PNPLA7: variants seen among roughly 807,000 people sequenced by gnomAD.
The protein encoded by PNPLA7 is patatin-like phospholipase domain-containing protein 7.
A neutral mutation model predicts 161.7 loss-of-function variants in PNPLA7; 153 were observed. The observed-to-expected ratio is 0.95, with a 90% CI of 0.83 to 1.08. The LOEUF (loss-of-function observed/expected upper bound fraction) is 1.08. Among genes scored for constraint, PNPLA7 ranks in the 50% least tolerant of loss-of-function variants. The probability of loss-of-function intolerance (pLI) is 0.00; values close to 1 mark genes in which losing one functional copy is unlikely to be tolerated. For synonymous variants in PNPLA7, 809 were observed against 782.1 expected, an observed-to-expected ratio of 1.03 and a Z score of -0.57; for missense variants, 1,739 against 1,856.6, an observed-to-expected ratio of 0.94 and a Z score of 1.16.
chr9:137,491,425 C>G, intron 20 of PNPLA7: 1 of 939,054 alleles, frequency 1.1e-6, no homozygotes, highest in Non-Finnish European at 1.3e-6. Flanking sequence ...ATGAGGAACA[C>G]ATGATCCAAC....
At chr9:137,478,188 G>A (rs761911259) in intron 24 of PNPLA7, 36 bp from the exon 25 acceptor site, 2 of 1,262,778 alleles carry the variant, frequency 1.6e-6, no homozygotes, top group Non-Finnish European at 2.0e-6. Flanking sequence ...CTGGTGCAGG[G>A]CCCCACCCTC....
chr9:137,542,321 G>C (rs1231107110), intron 7 of PNPLA7, among the ~76,000 whole-genome samples: 1 of 152,038 alleles, frequency 6.6e-6, no homozygotes, highest in African/African-American at 2.4e-5. Context: ...AATTTTATAA[G>C]TGAGCTGGGC....
At chr9:137,521,499 G>T in intron 10 of PNPLA7, 137 bp downstream of exon 10, 2 of 776,462 alleles carry the variant, frequency 2.6e-6, no homozygotes, top group South Asian at 1.6e-5. Context: ...AAGTCCTAAT[G>T]ACCAGCAACT....
chr9:137,462,874 G>T, intron 29 of PNPLA7, 41 bp from the exon 30 acceptor site: 1 of 1,607,686 alleles, frequency 6.2e-7, no homozygotes, highest in South Asian at 1.1e-5. Flanking sequence ...GGACAGGCAT[G>T]CAGAGCCAGG....
chr9:137,461,581 C>A lies in PNPLA7; in HGVS notation c.3796G>T (p.Glu1266Ter), dbSNP rs1457500663. Residue 1266 changes from glutamate to a stop codon, truncating the protein, a stop_gained, in exon 33 of 35, where the codon GAA becomes TAA. Coordinates refer to ENST00000406427, the MANE Select transcript of PNPLA7 (RefSeq NM_001098537.3). LOFTEE classifies it high-confidence loss of function. Reference sequence around the variant, plus strand: ...GCGGGCTCAATGCGAGACACAATTTCGGCAAGGTCCGTGAAGGAGGCGTTG... The same window carrying A: ...GCGGGCTCAATGCGAGACACAATTTAGGCAAGGTCCGTGAAGGAGGCGTTG... ...CPNASFTDLA[E>*]IVSRIEPAKP... 1 of 1,612,808 alleles carries A rather than the reference C, an allele frequency of 6.2e-7. No individual in the cohort carries two copies. The highest frequency in any genetic ancestry group is 1.1e-5 in the South Asian group (1 of 91,012).
rs1255676606 is a variant in PNPLA7, at chr9:137,500,663, C to T, written c.1757+28G>A. ...TCAGGGCAGGGGGGGCTGGGGCCCG[C>T]CCTGAGGTCCTGGCCCGTGGGACTC... On this transcript the variant is annotated intron_variant, in intron 16 of 34. Transcript: ENST00000406427. The surrounding 1 kb of genome is among the most constrained non-coding windows in gnomAD (Gnocchi z 5.5). The T allele has an allele frequency of 6.2e-7, 1 of 1,607,382 alleles. No individual in the cohort carries two copies. The highest frequency in any genetic ancestry group is 1.7e-5 in the Admixed American group (1 of 59,612).
At chr9:137,461,033 G>T (rs747981404) in intron 33 of PNPLA7, 44 of 421,592 alleles carry the variant, frequency 1.0e-4, no homozygotes, top group Non-Finnish European at 1.9e-4. Context: ...CCCAGACCTG[G>T]CAACTGTGGA....
At chr9:137,503,020 A>G (rs951381816) in intron 14 of PNPLA7, among the ~76,000 whole-genome samples, 14 of 151,846 alleles carry the variant, frequency 9.2e-5, no homozygotes, top group Non-Finnish European at 1.6e-4. Flanking sequence ...CTAGGTACTC[A>G]CCTTCACATA....
chr9:137,495,442 C>A (rs998236655), intron 18 of PNPLA7, among the ~76,000 whole-genome samples: 2 of 151,988 alleles, frequency 1.3e-5, no homozygotes, highest in African/African-American at 4.8e-5. Flanking sequence ...TTGGAGAACA[C>A]CTCTTTTTTT....
intron 4 of PNPLA7, 51 bp downstream of exon 4, chr9:137,546,779 G>C (rs568562748): frequency 6.4e-7 from 1 of 1,571,698 alleles, no homozygotes; most frequent in East Asian, 2.2e-5. Flanking sequence ...CCTCCCACAG[G>C]GGCCTGCTCG....
chr9:137,503,650 G>A (rs1259449286), intron 14 of PNPLA7, among the ~76,000 whole-genome samples: 2 of 140,800 alleles, frequency 1.4e-5, no homozygotes, highest in Admixed American at 7.1e-5. Context: ...AGAAGGGGGA[G>A]GAAGAAGGAG....
chr9:137,535,424 A>T (rs866115203), intron 8 of PNPLA7, among the ~76,000 whole-genome samples: 3 of 152,312 alleles, frequency 2.0e-5, no homozygotes, highest in Middle Eastern at 3.4e-3. Context: ...GATAATTTTT[A>T]AAAATTAAAA....
chr9:137,501,615 G>C, intron 15 of PNPLA7, 35 bp downstream of exon 15: 1 of 1,595,642 alleles, frequency 6.3e-7, no homozygotes, highest in Non-Finnish European at 8.6e-7. Context: ...ATGGCATTGG[G>C]TGGTCCCAGT....
At chr9:137,484,517 G>A in intron 21 of PNPLA7, 70 bp downstream of exon 21, 1 of 1,476,246 alleles carries the variant, frequency 6.8e-7, no homozygotes, top group Non-Finnish European at 9.1e-7. Flanking sequence ...AAGACAGAGG[G>A]CAGCCGGCAG....
Position 137,464,463 on chromosome 9 carries a change from C to G in PNPLA7, c.3040-7G>C, listed in dbSNP as rs1180159144. On this transcript the variant is annotated splice_region_variant and splice_polypyrimidine_tract_variant and intron_variant, in intron 26 of 34. Transcript: ENST00000406427. ...TCATCAAGGACGTCATGCCCTGGGG[C>G]CACATGTGGAATTTACAGAAGGCTT... 1 of 1,612,060 alleles carries G rather than the reference C, an allele frequency of 6.2e-7. No individual in the cohort carries two copies. The highest frequency in any genetic ancestry group is 1.7e-5 in the Admixed American group (1 of 60,022).
At chr9:137,526,001 T>C (rs2132516719) in intron 8 of PNPLA7, among the ~76,000 whole-genome samples, 1 of 150,550 alleles carries the variant, frequency 6.6e-6, no homozygotes, top group Non-Finnish European at 1.5e-5. Context: ...CAGGTTATAA[T>C]TGTAGAACAG....
chr9:137,540,565 G>A lies in PNPLA7; in HGVS notation c.747+77C>T. On this transcript the variant is annotated intron_variant, in intron 8 of 34. Coordinates refer to ENST00000406427, the MANE Select transcript of PNPLA7 (RefSeq NM_001098537.3). This position sits in a 1 kb window ranked among gnomAD's most constrained non-coding sequence, Gnocchi z 5.1. ...AACTGGCCTTTAACCACTACCAGCT[G>A]TCCAGACAAGACAGAAAAACCAGGC... 7.6e-7 allele frequency: 1 copy of A among 1,312,418 alleles called. No individual in the cohort carries two copies. Among genetic ancestry groups the A allele is most frequent in the Non-Finnish European group, 1.1e-6 (1 of 939,286 alleles). The allele number at this position is 1,312,418 out of a possible 1,614,324, so 81.3% of individuals were successfully genotyped here.
In PNPLA7 at chr9:137,542,693, G is replaced by A. The variant is rs1312718768; in HGVS notation, c.615C>T (p.Pro205=). 6.2e-7 allele frequency: 1 copy of A among 1,613,032 alleles called. No individual in the cohort carries two copies. Among genetic ancestry groups the A allele is most frequent in the Non-Finnish European group, 8.5e-7 (1 of 1,180,008 alleles). ...EHVFQPREPD[P]SICVVQDGRL... is the part of the protein sequence containing the mutation. ...GCCCGTCCTGCACCACACAGATGCT[G>A]GGGTCCGGCTCCCTGGGCTGGAAGA... The change falls in exon 7 of 35, where the codon CCC becomes CCT. Residue 205 remains proline, a synonymous_variant. Coordinates refer to ENST00000406427, the MANE Select transcript of PNPLA7 (RefSeq NM_001098537.3).
intron 19 of PNPLA7, among the ~76,000 whole-genome samples, chr9:137,493,364 G>T (rs1475521229): frequency 6.6e-6 from 1 of 152,194 alleles, no homozygotes; most frequent in African/African-American, 2.4e-5. Flanking sequence ...GTGAGCCCAG[G>T]CCAGCCTCTC....
Sources: gnomAD v4.1 joint callset for allele counts (sites outside exome capture counted in the v4.1 genomes callset) on GRCh38, gnomAD v4.1.1 for gene constraint, Gnocchi (gnomAD v3.1) non-coding constraint, MANE v1.5 for transcripts, NCBI Gene and HGNC (gene_info 2026-07-23, HGNC 2026-07-21) for gene names.